The following PTH2R variants were observed in gnomAD, a reference collection of about 807,000 sequenced individuals.
PTH2R encodes the protein PTH2 receptor.
Under a neutral mutation model 60.3 loss-of-function variants are expected in PTH2R, and 59 were observed. The ratio of observed to expected loss-of-function variants is 0.98; its 90% confidence interval spans 0.79 to 1.22. The LOEUF (loss-of-function observed/expected upper bound fraction) is 1.22. PTH2R is among the 50% of genes most tolerant of loss of function. PTH2R has a pLI of 0.00. For synonymous variants in PTH2R, 256 were observed against 243.8 expected, an observed-to-expected ratio of 1.05 and a Z score of -0.47; for missense variants, 749 against 682.6, an observed-to-expected ratio of 1.10 and a Z score of -1.08.
intron 1 of PTH2R, among the ~76,000 whole-genome samples, chr2:208,388,129 GA>G (rs1400887909): frequency 4.4e-5 from 2 of 45,540 alleles, no homozygotes; most frequent in Non-Finnish European, 4.1e-5. Flanking sequence ...CTAACATGGT[GA>G]AACCCCCCCC....
At chr2:208,471,082 G>A (rs923512160) in intron 9 of PTH2R, among the ~76,000 whole-genome samples, 1 of 152,186 alleles carries the variant, frequency 6.6e-6, no homozygotes, top group Admixed American at 6.5e-5. Context: ...TTTCTAAGCA[G>A]CAAAGCATTC....
intron 9 of PTH2R, among the ~76,000 whole-genome samples, chr2:208,478,589 C>G (rs946606373): frequency 4.6e-5 from 7 of 152,178 alleles, no homozygotes; most frequent in Admixed American, 2.0e-4. Context: ...CATTTTCTTG[C>G]TTTGTCAGAT....
rs55709644 is a variant in PTH2R, at chr2:208,447,606, A to AAAATAAAT, written c.853+2750_853+2757dup. ...CCATCTCAAAAAAAAAACAAAAAGA[A>AAAATAAAT]AAATAAATAAATAAATAAATAAATA... On this transcript the variant is annotated intron_variant, in intron 7 of 12. Transcript: ENST00000272847. Among the ~76,000 whole-genome samples, 429 of 140,234 alleles carry AAAATAAAT rather than the reference A, an allele frequency of 3.1e-3. 2 individuals carry two copies. Among genetic ancestry groups the AAAATAAAT allele is most frequent in the African/African-American group, 6.5e-3 (249 of 38,316 alleles). 92.0% of individuals were successfully genotyped at this position (140,234 alleles called of 152,430 possible). A position where few individuals can be genotyped will look rare whatever the true frequency, so the allele number is the denominator to read the frequency against.
intron 9 of PTH2R, among the ~76,000 whole-genome samples, chr2:208,470,436 A>G (rs541906780): frequency 6.6e-6 from 1 of 152,092 alleles, no homozygotes; most frequent in Admixed American, 6.5e-5. Context: ...TGTGGGAGAG[A>G]TCTGTGGGAG....
At chr2:208,378,294 G>GGAGGTT (rs1160031945) in intron 1 of PTH2R, among the ~76,000 whole-genome samples, 2 of 150,816 alleles carry the variant, frequency 1.3e-5, no homozygotes, top group Non-Finnish European at 3.0e-5. Flanking sequence ...AATCAGGCAG[G>GGAGGTT]GAGGTTGCAG....
intron 1 of PTH2R, chr2:208,360,968 C>G (rs980549158): frequency 4.4e-6 from 1 of 226,074 alleles, no homozygotes; most frequent in African/African-American, 2.3e-5. Flanking sequence ...GGATGCCAGT[C>G]CAGGCTGAGG....
chr2:208,488,693 T>G (rs897248797), intron 10 of PTH2R, among the ~76,000 whole-genome samples: 7 of 151,968 alleles, frequency 4.6e-5, no homozygotes, highest in Non-Finnish European at 1.0e-4. Context: ...CTGGGCAACA[T>G]GGCGAGACCC....
intron 1 of PTH2R, among the ~76,000 whole-genome samples, chr2:208,409,148 G>A (rs1286196579): frequency 6.6e-6 from 1 of 152,114 alleles, no homozygotes; most frequent in Non-Finnish European, 1.5e-5. Context: ...TGCATAAAAT[G>A]ACAGTTTGTG....
At chr2:208,393,260 T>C (rs1453431847) in intron 1 of PTH2R, among the ~76,000 whole-genome samples, 1 of 151,992 alleles carries the variant, frequency 6.6e-6, no homozygotes, top group Non-Finnish European at 1.5e-5. Flanking sequence ...GCCTGTGTGA[T>C]AAACTTGTCC....
chr2:208,382,572 C>G (rs926073530), intron 1 of PTH2R, among the ~76,000 whole-genome samples: 2 of 152,066 alleles, frequency 1.3e-5, no homozygotes, highest in African/African-American at 4.8e-5. Flanking sequence ...AGAAAATGTG[C>G]GTCAGAAAGT....
At chr2:208,458,472 G>A (rs1435982289) in intron 8 of PTH2R, among the ~76,000 whole-genome samples, 1 of 152,036 alleles carries the variant, frequency 6.6e-6, no homozygotes, top group Non-Finnish European at 1.5e-5. Context: ...TTAGGTTTGG[G>A]GGTACATGTG....
At chr2:208,456,946 G>A (rs1702527384) in intron 8 of PTH2R, among the ~76,000 whole-genome samples, 1 of 152,148 alleles carries the variant, frequency 6.6e-6, no homozygotes, top group African/African-American at 2.4e-5. Context: ...AGTTTTTCAT[G>A]TTTTTAGAGG....
At chr2:208,444,640 A>C (rs529120626) in intron 6 of PTH2R, 94 bp from the exon 7 acceptor site, 1 of 1,272,474 alleles carries the variant, frequency 7.9e-7, no homozygotes, top group African/African-American at 1.5e-5. Flanking sequence ...TAGCCTGAAA[A>C]AGAAACTGAA....
chr2:208,363,090 T>A (rs1700510372), intron 1 of PTH2R, among the ~76,000 whole-genome samples: 1 of 152,188 alleles, frequency 6.6e-6, no homozygotes, highest in Non-Finnish European at 1.5e-5. Flanking sequence ...AAATTGTGTG[T>A]CATGGGGGTT....
At chr2:208,368,683 T>C (rs1053060399) in intron 1 of PTH2R, among the ~76,000 whole-genome samples, 12 of 152,176 alleles carry the variant, frequency 7.9e-5, no homozygotes, top group African/African-American at 2.7e-4. Context: ...TAAATATACC[T>C]GGTGAACCCA....
intron 1 of PTH2R, among the ~76,000 whole-genome samples, chr2:208,374,170 T>G (rs1272463295): frequency 6.6e-6 from 1 of 152,050 alleles, no homozygotes; most frequent in Non-Finnish European, 1.5e-5. Context: ...TGTTCTAAAT[T>G]TAGAAGACAG....
At position 208,442,293 on chromosome 2, in the gene PTH2R, A is replaced by G; in HGVS notation, c.412-71A>G. ...AATTAGAAATAAGATTCCAAAAATG[A>G]CATACTATTTCTTTGCCAGTTTATT... On this transcript the variant is annotated intron_variant, in intron 4 of 12. Coordinates refer to ENST00000272847, the MANE Select transcript of PTH2R (RefSeq NM_005048.4). The G allele has an allele frequency of 2.8e-6, 3 of 1,085,480 alleles. No individual in the cohort carries two copies. The South Asian group carries it at 4.0e-5, about 14-fold the overall frequency. The allele number at this position is 1,085,480 out of a possible 1,614,324, so 67.2% of individuals were successfully genotyped here. A position where few individuals can be genotyped will look rare whatever the true frequency, so the allele number is the denominator to read the frequency against.
intron 1 of PTH2R, among the ~76,000 whole-genome samples, chr2:208,379,406 A>G (rs573463684): frequency 5.9e-4 from 90 of 152,294 alleles, no homozygotes; most frequent in Non-Finnish European, 9.6e-4. Flanking sequence ...TAATTAATTC[A>G]GCCTGTATTT....
chr2:208,377,959 C>A (rs1309128204), intron 1 of PTH2R, among the ~76,000 whole-genome samples: 24 of 152,188 alleles, frequency 1.6e-4, no homozygotes, highest in African/African-American at 5.8e-4. Context: ...CTCCTCACTT[C>A]CCAGACGGGG....
Sources: allele counts gnomAD v4.1 joint callset (sites outside exome capture counted in the v4.1 genomes callset), GRCh38; gene constraint gnomAD v4.1.1; transcripts MANE v1.5; gene names NCBI Gene and HGNC (gene_info 2026-07-23, HGNC 2026-07-21).